The following TULP4 variants were observed in gnomAD, a reference collection of about 807,000 sequenced individuals.
TULP4 encodes the protein tubby-related protein 4.
In TULP4, 16 loss-of-function variants were observed where a neutral mutation model predicts 129.0. The ratio of observed to expected loss-of-function variants is 0.12; its 90% CI spans 0.08 to 0.19. The LOEUF is 0.19. TULP4 is among the 10% of genes least tolerant of loss of function. The probability of loss-of-function intolerance (pLI) is 1.00; values close to 1 mark genes in which losing one functional copy is unlikely to be tolerated. For synonymous variants in TULP4, 998 were observed against 854.0 expected, an observed-to-expected ratio of 1.17 and a Z score of -2.94; for missense variants, 1,842 against 2,059.1, an observed-to-expected ratio of 0.89 and a Z score of 2.04.
At chr6:158,483,701 A>G (rs980327273) in intron 8 of TULP4, among the ~76,000 whole-genome samples, 2 of 151,952 alleles carry the variant, frequency 1.3e-5, no homozygotes, top group Admixed American at 6.6e-5. Context: ...CACCACCCCC[A>G]TGCAAATCAC....
intron 1 of TULP4, among the ~76,000 whole-genome samples, chr6:158,342,393 C>T (rs1780203052): frequency 6.6e-6 from 1 of 152,172 alleles, no homozygotes; most frequent in Non-Finnish European, 1.5e-5. Flanking sequence ...GTCACATTTT[C>T]ACTTTCTTGT....
chr6:158,444,110 C>G (rs1297713218), intron 3 of TULP4, among the ~76,000 whole-genome samples: 1 of 151,252 alleles, frequency 6.6e-6, no homozygotes, highest in Non-Finnish European at 1.5e-5. Context: ...GTCCCAGCTA[C>G]TCGGGAGGCT....
At chr6:158,373,771 C>G (rs1777122840) in intron 1 of TULP4, among the ~76,000 whole-genome samples, 1 of 152,150 alleles carries the variant, frequency 6.6e-6, no homozygotes, top group South Asian at 2.1e-4. Flanking sequence ...GTGTTTGTAG[C>G]ATTCTTTCCA....
At chr6:158,317,975 C>A (rs1475191796) in intron 1 of TULP4, among the ~76,000 whole-genome samples, 1 of 152,180 alleles carries the variant, frequency 6.6e-6, no homozygotes, top group Non-Finnish European at 1.5e-5. Flanking sequence ...AGTGTCTGTT[C>A]ATATCCTTTG....
intron 1 of TULP4, among the ~76,000 whole-genome samples, chr6:158,232,665 T>G (rs1452346199): frequency 6.6e-6 from 1 of 152,114 alleles, no homozygotes; most frequent in African/African-American, 2.4e-5. Flanking sequence ...TGGAGCCATT[T>G]TTTTTTCTTA....
chr6:158,288,398 T>C (rs889465929), intron 1 of TULP4, among the ~76,000 whole-genome samples: 1 of 152,188 alleles, frequency 6.6e-6, no homozygotes, highest in African/African-American at 2.4e-5. Flanking sequence ...GACATCTTTA[T>C]CTTAATTCTT....
chr6:158,487,549 T>C (rs1281968298), intron 8 of TULP4, among the ~76,000 whole-genome samples: 1 of 152,226 alleles, frequency 6.6e-6, no homozygotes, highest in East Asian at 1.9e-4. Flanking sequence ...AGCCATAGGT[T>C]CTCAAAGACC....
chr6:158,314,209 C>G lies in TULP4; in HGVS notation c.193C>G (p.Arg65Gly). The change falls in exon 1 of 14, where the codon CGC (arginine) becomes GGC (glycine). Residue 65 changes from arginine (R) to glycine (G), a missense_variant. Physicochemically the swap from Arg to Gly is moderately radical, Grantham distance 125 (BLOSUM62 -2). This residue lies in a region of TULP4 where 151 missense variants were observed against 268.7 expected (regional missense o/e 0.56). Coordinates refer to ENST00000367097, the MANE Select transcript of TULP4 (RefSeq NM_020245.5). ...VGVTFTSSHC[R>G]RDRSTPQRIN... ...GGTGACTTTCACCTCTAGTCACTGT[C>G]GCAGGGACAGGAGTACTCCACAGAG... 1 of 1,614,136 alleles carries G rather than the reference C, an allele frequency of 6.2e-7. No homozygotes were observed.
chr6:158,479,841 C>T lies in TULP4; in HGVS notation c.1117C>T (p.Arg373Trp), dbSNP rs374879139. 6.8e-6 allele frequency: 11 copies of T among 1,613,872 alleles called. No homozygotes were observed. Among genetic ancestry groups the T allele is most frequent in the Admixed American group, 1.7e-5 (1 of 59,992 alleles). ...PALYVVRVEHRVSSLQLLCQQ... is the reference protein window; with the variant it reads ...PALYVVRVEHWVSSLQLLCQQ... ...CCTGTACGTGGTGCGTGTGGAGCAC[C>T]GGGTGTCCAGCCTGCAGCTGCTGTG... The change falls in exon 7 of 14, where the codon CGG becomes TGG. Residue 373 changes from arginine to tryptophan, a missense_variant. Transcript: ENST00000367097.
chr6:158,460,532 T>C (rs1312981159), intron 5 of TULP4, among the ~76,000 whole-genome samples: 1 of 152,204 alleles, frequency 6.6e-6, no homozygotes, highest in Non-Finnish European at 1.5e-5. Context: ...ATTGCTCTCA[T>C]TGGGATAAGA....
chr6:158,420,493 T>G (rs1484679471), intron 2 of TULP4, among the ~76,000 whole-genome samples: 1 of 152,254 alleles, frequency 6.6e-6, no homozygotes, highest in African/African-American at 2.4e-5. Context: ...TGTTTTGTTT[T>G]GTTTTCTGAC....
At chr6:158,242,381 T>G in intron 1 of TULP4, 1 of 1,494,924 alleles carries the variant, frequency 6.7e-7, no homozygotes, top group South Asian at 1.1e-5. Flanking sequence ...AAGGGTTTGT[T>G]TTCCTCTCCT....
intron 1 of TULP4, among the ~76,000 whole-genome samples, chr6:158,355,023 G>A (rs1255707816): frequency 2.0e-5 from 3 of 152,130 alleles, no homozygotes; most frequent in African/African-American, 7.2e-5. Flanking sequence ...AAGTTCTTCA[G>A]GGGATGATTC....
At chr6:158,379,614 AC>A (rs1462126977) in intron 1 of TULP4, among the ~76,000 whole-genome samples, 1 of 152,170 alleles carries the variant, frequency 6.6e-6, no homozygotes, top group Non-Finnish European at 1.5e-5. Context: ...AACCTCAACA[AC>A]TGTATCAGTG....
At chr6:158,494,017 C>T (rs529068792) in intron 10 of TULP4, among the ~76,000 whole-genome samples, 3 of 152,282 alleles carry the variant, frequency 2.0e-5, no homozygotes, top group African/African-American at 7.2e-5. Context: ...TCAGTGCCCC[C>T]TCACCCTCCG....
chr6:158,249,861 G>A (rs916821031), intron 1 of TULP4, among the ~76,000 whole-genome samples: 1 of 152,152 alleles, frequency 6.6e-6, no homozygotes, highest in Non-Finnish European at 1.5e-5. Context: ...GAAAAATTTT[G>A]TGATACAGTA....
At chr6:158,337,688 A>G (rs1015287126) in intron 1 of TULP4, among the ~76,000 whole-genome samples, 3 of 152,214 alleles carry the variant, frequency 2.0e-5, no homozygotes, top group African/African-American at 4.8e-5. Context: ...TAGAAACAAC[A>G]AAGTGTCAAG....
At chr6:158,430,264 C>CTG (rs1301970308) in intron 3 of TULP4, among the ~76,000 whole-genome samples, 1 of 151,954 alleles carries the variant, frequency 6.6e-6, no homozygotes, top group South Asian at 2.1e-4. Flanking sequence ...CATCGTAAGA[C>CTG]AACAAAGAAG....
chr6:158,306,612 G>T (rs1212592751), intron 1 of TULP4, among the ~76,000 whole-genome samples: 1 of 152,232 alleles, frequency 6.6e-6, no homozygotes, highest in Non-Finnish European at 1.5e-5. Context: ...GTTAGTATAT[G>T]TCTGTGATTT....
Sources: allele counts gnomAD v4.1 joint callset (sites outside exome capture counted in the v4.1 genomes callset), GRCh38; gene constraint gnomAD v4.1.1; regional missense constraint gnomAD v4.1.1; transcripts MANE v1.5; gene names NCBI Gene and HGNC (gene_info 2026-07-23, HGNC 2026-07-21).